RASGEF1A: variants seen among roughly 807,000 people sequenced by gnomAD.
RASGEF1A encodes RasGEF domain family member 1A.
RASGEF1A carries 18 observed loss-of-function variants against 56.4 expected under a neutral mutation model. The ratio of observed to expected loss-of-function variants is 0.32; its 90% CI spans 0.22 to 0.47. RASGEF1A has a LOEUF of 0.47. RASGEF1A is among the 20% of genes least tolerant of loss of function. RASGEF1A has a pLI of 1.00. For missense variants in RASGEF1A, 422 were observed against 627.1 expected (o/e 0.67, Z 3.49); for synonymous variants, 245 against 242.6 (o/e 1.01, Z -0.09).
chr10:43,241,596 C>A (rs559973982), intron 1 of RASGEF1A, among the ~76,000 whole-genome samples: 1 of 151,730 alleles, frequency 6.6e-6, no homozygotes, highest in African/African-American at 2.4e-5. Flanking sequence ...AAATGGTACA[C>A]TAGATAATAT....
intron 1 of RASGEF1A, among the ~76,000 whole-genome samples, chr10:43,261,877 T>C (rs1836535070): frequency 6.6e-6 from 1 of 152,186 alleles, no homozygotes; most frequent in African/African-American, 2.4e-5. Flanking sequence ...AGAACTAGCC[T>C]ACAGAGAAGT....
chr10:43,229,604 G>T, intron 1 of RASGEF1A: 1 of 1,472,246 alleles, frequency 6.8e-7, no homozygotes, highest in African/African-American at 1.5e-5. Flanking sequence ...ACCCTGCCCC[G>T]CGGCCTTGCG....
intron 1 of RASGEF1A, among the ~76,000 whole-genome samples, chr10:43,233,846 C>A (rs1840400574): frequency 6.6e-6 from 1 of 152,210 alleles, no homozygotes; most frequent in South Asian, 2.1e-4. Context: ...GGGCTTCGAA[C>A]TGAAAATGAA....
intron 1 of RASGEF1A, among the ~76,000 whole-genome samples, chr10:43,226,979 C>T (rs1019519241): frequency 6.6e-6 from 1 of 152,120 alleles, no homozygotes; most frequent in African/African-American, 2.4e-5. Flanking sequence ...TGCCGGGTGT[C>T]GTGGAGGCAC....
At chr10:43,252,508 C>A (rs1281124543) in intron 1 of RASGEF1A, among the ~76,000 whole-genome samples, 1 of 152,082 alleles carries the variant, frequency 6.6e-6, no homozygotes, top group South Asian at 2.1e-4. Flanking sequence ...GAAGGAAGGG[C>A]AGGGCATTAA....
rs765012965 is a variant in RASGEF1A at position 43,197,010 on chromosome 10, ACT to A, written c.1312_1313del (p.Ser438LeufsTer19). 3 of 1,613,740 alleles carry A rather than the reference ACT, an allele frequency of 1.9e-6. No homozygotes were observed. The highest frequency in any genetic ancestry group is 1.7e-5 in the Admixed American group (1 of 60,010). On this transcript the variant is annotated frameshift_variant, in exon 11 of 13. Coordinates refer to ENST00000395810, the MANE Select transcript of RASGEF1A (RefSeq NM_145313.4). LOFTEE classifies it high-confidence loss of function. ...CPFEKDKKIQSYLLTAPIYSE... is the reference protein window; with the variant it reads ...CPFEKDKKIQXYLLTAPIYSE... ...TGTAGATGGGCGCCGTGAGCAGGTA[ACT>A]CTGAATCTTCTTGTCCTTCTCGAAA...
chr10:43,196,680 T>C lies in RASGEF1A; in HGVS notation c.1349-132A>G. 1.1e-6 allele frequency: 1 copy of C among 877,274 alleles called. No homozygotes were observed. The highest frequency in any genetic ancestry group is 1.4e-5 in the South Asian group (1 of 69,064). The allele number at this position is 877,274 out of a possible 1,614,324, so 54.3% of individuals were successfully genotyped here. A position where few individuals can be genotyped will look rare whatever the true frequency, so the allele number is the denominator to read the frequency against. On this transcript the variant is annotated intron_variant, in intron 11 of 12. Transcript: ENST00000395810. The surrounding 1 kb of genome is among the most constrained non-coding windows in gnomAD (Gnocchi z 4.6). ...GGCTGGGCTGAACACAGTTCTCTGCTGTGCGGGGCTCTCAGGCTGCCTGTT... is the reference window on the plus strand; with the variant it reads ...GGCTGGGCTGAACACAGTTCTCTGCCGTGCGGGGCTCTCAGGCTGCCTGTT...
At chr10:43,265,343 A>G (rs1588955961) in intron 1 of RASGEF1A, among the ~76,000 whole-genome samples, 1 of 152,228 alleles carries the variant, frequency 6.6e-6, no homozygotes. Flanking sequence ...TCACAAACCC[A>G]GGGGCATGTG....
At chr10:43,236,016 C>A (rs1840427059) in intron 1 of RASGEF1A, among the ~76,000 whole-genome samples, 1 of 152,122 alleles carries the variant, frequency 6.6e-6, no homozygotes, top group African/African-American at 2.4e-5. Flanking sequence ...ACCCCTGACA[C>A]CCCAATGAGA....
intron 1 of RASGEF1A, among the ~76,000 whole-genome samples, chr10:43,229,202 T>C (rs1840324742): frequency 6.6e-6 from 1 of 151,960 alleles, no homozygotes; most frequent in Non-Finnish European, 1.5e-5. Context: ...ACGGCTGCGC[T>C]CCCTCCCATG....
intron 1 of RASGEF1A, among the ~76,000 whole-genome samples, chr10:43,242,914 C>T (rs991470398): frequency 9.2e-5 from 14 of 152,236 alleles, no homozygotes; most frequent in African/African-American, 3.4e-4. Flanking sequence ...GCCTTGGCCT[C>T]CCAAAGTGCT....
chr10:43,230,038 G>T (rs1028374052), intron 1 of RASGEF1A, among the ~76,000 whole-genome samples: 4 of 151,986 alleles, frequency 2.6e-5, no homozygotes, highest in African/African-American at 9.7e-5. Flanking sequence ...GTCCGGGATC[G>T]GCCGTGCCGG....
chr10:43,208,060 A>C (rs1840020773), intron 1 of RASGEF1A: 1 of 985,368 alleles, frequency 1.0e-6, no homozygotes, highest in South Asian at 4.7e-5. Flanking sequence ...GAAGTCACGA[A>C]GGCGGGCTCA....
At chr10:43,204,060 C>G (rs1285366729) in intron 2 of RASGEF1A, among the ~76,000 whole-genome samples, 1 of 151,888 alleles carries the variant, frequency 6.6e-6, no homozygotes, top group Admixed American at 6.6e-5. Context: ...ATCCACGTGC[C>G]TTCCATCGAG....
At chr10:43,221,440 G>A (rs1840206389) in intron 1 of RASGEF1A, among the ~76,000 whole-genome samples, 2 of 152,184 alleles carry the variant, frequency 1.3e-5, no homozygotes, top group African/African-American at 2.4e-5. Context: ...TTCTCCAGAT[G>A]AAGGAACAGA....
At chr10:43,218,993 C>A (rs966844335) in intron 1 of RASGEF1A, among the ~76,000 whole-genome samples, 1 of 152,260 alleles carries the variant, frequency 6.6e-6, no homozygotes, top group African/African-American at 2.4e-5. Flanking sequence ...CCCTTTCTGT[C>A]CAGTCAGCTT....
At chr10:43,247,099 G>C (rs1840574368) in intron 1 of RASGEF1A, among the ~76,000 whole-genome samples, 1 of 152,124 alleles carries the variant, frequency 6.6e-6, no homozygotes, top group African/African-American at 2.4e-5. Flanking sequence ...GTTAAAAACG[G>C]GCAAAGGCCC....
At chr10:43,201,704 T>A in intron 4 of RASGEF1A, 104 bp downstream of exon 4, 1 of 1,233,000 alleles carries the variant, frequency 8.1e-7, no homozygotes, top group Non-Finnish European at 1.1e-6. Flanking sequence ...GGGAGTAACA[T>A]GGAAGGGGAC....
chr10:43,229,368 C>G lies in RASGEF1A; in HGVS notation c.-6-23246G>C, dbSNP rs1460011166. Among the ~76,000 whole-genome samples, 12 of 152,346 alleles carry G rather than the reference C, an allele frequency of 7.9e-5. No individual in the cohort carries two copies. In the South Asian group the frequency reaches 2.5e-3, roughly 32 times the overall value. On this transcript the variant is annotated intron_variant, in intron 1 of 12. Transcript: ENST00000395810. The stretch of plus-strand genomic sequence containing the variant: ...TCGTCCGGGCTCCTACACGCCCGTC[C>G]CCACCCCTTCCAGGCTCGCAGGAGC...
Sources: allele counts gnomAD v4.1 joint callset (sites outside exome capture counted in the v4.1 genomes callset), GRCh38; gene constraint gnomAD v4.1.1; non-coding constraint Gnocchi (gnomAD v3.1); transcripts MANE v1.5; gene names NCBI Gene and HGNC (gene_info 2026-07-23, HGNC 2026-07-21).